CHLSN: variants seen among roughly 807,000 people sequenced by gnomAD.
CHLSN encodes cholesin.
At chr7:1,125,258 G>A in the CHLSN span, among the ~76,000 whole-genome samples, 1 of 152,356 alleles carries the variant, frequency 6.6e-6, no homozygotes, top group Non-Finnish European at 1.5e-5. Flanking sequence ...AGCACTGGCT[G>A]TGCCCACCTC....
chr7:1,128,825 C>T, the CHLSN span, among the ~76,000 whole-genome samples: 3 of 6,100 alleles, frequency 4.9e-4, no homozygotes, highest in Admixed American at 1.3e-3. Context: ...TCGGCTCATC[C>T]CACCCTGTCA....
At chr7:1,022,699 C>G in the CHLSN span, among the ~76,000 whole-genome samples, 1 of 152,298 alleles carries the variant, frequency 6.6e-6, no homozygotes, top group South Asian at 2.1e-4. Flanking sequence ...TTAATTTACT[C>G]TTATTCTGCA....
At chr7:1,133,978 T>A in the CHLSN span, among the ~76,000 whole-genome samples, 1 of 152,126 alleles carries the variant, frequency 6.6e-6, no homozygotes, top group Non-Finnish European at 1.5e-5. Context: ...CTAACTCTTG[T>A]ATTTTTTGTG....
the CHLSN span, among the ~76,000 whole-genome samples, chr7:1,021,848 C>G: frequency 1.3e-5 from 2 of 152,234 alleles, no homozygotes; most frequent in Admixed American, 6.5e-5. Context: ...GGATGCGCGC[C>G]CTTCCGCGGG....
the CHLSN span, chr7:988,541 T>A: frequency 6.3e-7 from 1 of 1,597,024 alleles, no homozygotes; most frequent in Admixed American, 1.7e-5. Flanking sequence ...GCGGCTGTGG[T>A]GGCTGCTCCT....
the CHLSN span, among the ~76,000 whole-genome samples, chr7:1,030,724 G>A: frequency 5.8e-3 from 694 of 120,256 alleles, 7 homozygotes; most frequent in African/African-American, 0.024. Context: ...TCTCTCTCCC[G>A]GGGCAGGGGG....
chr7:985,397 C>A, the CHLSN span: 1 of 1,479,510 alleles, frequency 6.8e-7, no homozygotes, highest in Non-Finnish European at 9.1e-7. Context: ...GGACGGGGGC[C>A]CCAGTGCTGT....
At chr7:1,106,647 G>A in the CHLSN span, among the ~76,000 whole-genome samples, 1 of 152,226 alleles carries the variant, frequency 6.6e-6, no homozygotes, top group Non-Finnish European at 1.5e-5. Flanking sequence ...GCAGGCAGAA[G>A]GGCCCCACTC....
the CHLSN span, among the ~76,000 whole-genome samples, chr7:1,117,428 C>A: frequency 5.7e-5 from 7 of 122,788 alleles, no homozygotes; most frequent in South Asian, 2.7e-4. Context: ...TTCTACGGAC[C>A]GGCTTCCATC....
At chr7:1,028,538 A>C in the CHLSN span, 1 of 984,808 alleles carries the variant, frequency 1.0e-6, no homozygotes, top group Non-Finnish European at 1.2e-6. Context: ...TGCTCCTCCG[A>C]CGAGGCTCTC....
chr7:1,051,762 C>T, the CHLSN span, among the ~76,000 whole-genome samples: 1 of 152,204 alleles, frequency 6.6e-6, no homozygotes, highest in Non-Finnish European at 1.5e-5. Context: ...TCACTTGAAC[C>T]CAGGAGTTTG....
At chr7:1,034,522 G>T in the CHLSN span, among the ~76,000 whole-genome samples, 1 of 152,178 alleles carries the variant, frequency 6.6e-6, no homozygotes, top group Non-Finnish European at 1.5e-5. Flanking sequence ...CGGGACATCG[G>T]ACAGCTGTGG....
At chr7:1,053,599 G>A in the CHLSN span, among the ~76,000 whole-genome samples, 5 of 152,320 alleles carry the variant, frequency 3.3e-5, no homozygotes, top group South Asian at 4.1e-4. Flanking sequence ...AGGCCGAGGT[G>A]GGCGGATCAC....
chr7:1,024,076 G>A, the CHLSN span, among the ~76,000 whole-genome samples: 1 of 152,152 alleles, frequency 6.6e-6, no homozygotes, highest in East Asian at 1.9e-4. Context: ...GATCCTCCTT[G>A]CCGGCCTCCC....
the CHLSN span, among the ~76,000 whole-genome samples, chr7:1,041,195 G>C: frequency 1.3e-5 from 2 of 152,254 alleles, no homozygotes; most frequent in African/African-American, 4.8e-5. Context: ...ATAGGACTTG[G>C]GCTCCGCACT....
the CHLSN span, among the ~76,000 whole-genome samples, chr7:1,023,675 AC>A: frequency 3.0e-5 from 3 of 98,560 alleles, no homozygotes; most frequent in Non-Finnish European, 4.6e-5. This position sits in a 1 kb window ranked among gnomAD's most constrained non-coding sequence, Gnocchi z 5.0. Context: ...ACACACACAC[AC>A]ACCAGCAACG....
the CHLSN span, chr7:1,074,790 G>C: frequency 6.6e-6 from 1 of 152,498 alleles, no homozygotes; most frequent in Non-Finnish European, 1.5e-5. Context: ...GCCCGCGCCT[G>C]GGATGTCATG....
chr7:988,724 C>T, the CHLSN span: 2 of 1,599,606 alleles, frequency 1.3e-6, no homozygotes, highest in South Asian at 1.1e-5. Context: ...CCTGCTGCCC[C>T]CGCCTGGCGT....
At chr7:1,095,350 C>A in the CHLSN span, among the ~76,000 whole-genome samples, 6 of 151,350 alleles carry the variant, frequency 4.0e-5, no homozygotes, top group African/African-American at 1.5e-4. Flanking sequence ...CCAAACCCCC[C>A]TCCCCGACAC....
Sources: allele counts gnomAD v4.1 joint callset (sites outside exome capture counted in the v4.1 genomes callset), GRCh38; gene constraint gnomAD v4.1.1; non-coding constraint Gnocchi (gnomAD v3.1); transcripts MANE v1.5; gene names NCBI Gene and HGNC (gene_info 2026-07-23, HGNC 2026-07-21).